The following PTPRD variants were observed in gnomAD, a reference collection of about 807,000 sequenced individuals.
The protein encoded by PTPRD is protein tyrosine phosphatase receptor type D.
In PTPRD, 34 loss-of-function variants were observed where a neutral mutation model predicts 214.5. The ratio of observed to expected loss-of-function variants is 0.16; its 90% CI spans 0.12 to 0.21. The LOEUF is 0.21. PTPRD is among the 10% of genes least tolerant of loss of function. The probability of loss-of-function intolerance (pLI) is 1.00; values close to 1 mark genes in which losing one functional copy is unlikely to be tolerated. For synonymous variants in PTPRD, 1,128 were observed against 845.7 expected (o/e 1.33, Z -5.79); for missense variants, 2,545 against 2,398.7 (o/e 1.06, Z -1.27).
At position 9,460,186 on chromosome 9, in the gene PTPRD, C is replaced by T. The variant is rs372399680; in HGVS notation, c.-236-62704G>A. On this transcript the variant is annotated intron_variant, in intron 8 of 45. Transcript: ENST00000381196. The stretch of plus-strand genomic sequence containing the variant: ...ACCCCTATTTCTCACGATATAAAAA[C>T]TAGCTCAAGATGGATTAAAGACTTC... 1.1e-4 allele frequency among the ~76,000 whole-genome samples: 17 copies of T among 152,050 alleles called. 1 individual carries two copies. The East Asian group carries it at 2.3e-3, about 21-fold the overall frequency.
At chr9:10,204,030 A>C (rs1185422561) in intron 3 of PTPRD, among the ~76,000 whole-genome samples, 1 of 152,208 alleles carries the variant, frequency 6.6e-6, no homozygotes, top group East Asian at 1.9e-4. Context: ...TAGTGAAAAA[A>C]GAAAATAGCT....
At chr9:10,585,930 C>G (rs62539613) in intron 2 of PTPRD, among the ~76,000 whole-genome samples, 1 of 151,860 alleles carries the variant, frequency 6.6e-6, no homozygotes, top group Non-Finnish European at 1.5e-5. Context: ...AGTGATATAA[C>G]TAGGTTAGCA....
intron 11 of PTPRD, among the ~76,000 whole-genome samples, chr9:8,954,329 G>T (rs1439251174): frequency 6.6e-6 from 1 of 151,746 alleles, no homozygotes; most frequent in Non-Finnish European, 1.5e-5. Flanking sequence ...AGCAAAAGAC[G>T]CTGGGGACTA....
rs572966674 is a variant in PTPRD, at chr9:9,584,408, G to C, written c.-286-9627C>G. Among the ~76,000 whole-genome samples, 15 of 144,146 alleles carry C rather than the reference G, an allele frequency of 1.0e-4. No individual in the cohort carries two copies. The South Asian group carries it at 3.2e-3, about 31-fold the overall frequency. The allele number at this position is 144,146 out of a possible 152,430, so 94.6% of individuals were successfully genotyped here. ...CTATGCTACCACAAAAGACCTCTATGTTGCTCATGTTTCACCATCACTATT... is the reference window on the plus strand; with the variant it reads ...CTATGCTACCACAAAAGACCTCTATCTTGCTCATGTTTCACCATCACTATT... On this transcript the variant is annotated intron_variant, in intron 7 of 45. Coordinates refer to ENST00000381196, the MANE Select transcript of PTPRD (RefSeq NM_002839.4).
At chr9:8,467,128 C>T (rs780549315) in intron 31 of PTPRD, among the ~76,000 whole-genome samples, 11 of 151,818 alleles carry the variant, frequency 7.2e-5, no homozygotes, top group South Asian at 2.1e-4. Flanking sequence ...TAATTTATAA[C>T]GTGCTAAAAT....
chr9:9,792,164 A>G (rs1414771482), intron 5 of PTPRD, among the ~76,000 whole-genome samples: 3 of 151,834 alleles, frequency 2.0e-5, no homozygotes, highest in African/African-American at 4.8e-5. Flanking sequence ...ACAGCTTTTC[A>G]GTGTGGCAGC....
chr9:9,954,297 CAAAAAAAA>C (rs781628679), intron 4 of PTPRD, among the ~76,000 whole-genome samples: 7 of 53,754 alleles, frequency 1.3e-4, no homozygotes, highest in East Asian at 1.1e-3. Flanking sequence ...TGTCTCAAAA[CAAAAAAAA>C]AAAAAAAAAA....
intron 9 of PTPRD, among the ~76,000 whole-genome samples, chr9:9,246,745 T>C (rs2099973212): frequency 6.6e-6 from 1 of 152,044 alleles, no homozygotes; most frequent in Admixed American, 6.6e-5. Context: ...GGCCTATTCT[T>C]GGAGCTGAGA....
chr9:8,868,099 T>A (rs1477916720), intron 11 of PTPRD, among the ~76,000 whole-genome samples: 4 of 152,200 alleles, frequency 2.6e-5, no homozygotes, highest in African/African-American at 9.6e-5. Context: ...TGGTTGTGCA[T>A]TAGAATCTGT....
chr9:9,955,730 A>C (rs1027317008), intron 4 of PTPRD, among the ~76,000 whole-genome samples: 1 of 152,068 alleles, frequency 6.6e-6, no homozygotes, highest in South Asian at 2.1e-4. Context: ...TCACCGTGTT[A>C]GCCAGGATGG....
chr9:8,413,926 C>T (rs1357662572), intron 35 of PTPRD, among the ~76,000 whole-genome samples: 1 of 151,940 alleles, frequency 6.6e-6, no homozygotes, highest in Non-Finnish European at 1.5e-5. Context: ...AAAATCAGTA[C>T]ATTGATGATC....
chr9:9,304,873 A>C (rs1956628888), intron 9 of PTPRD, among the ~76,000 whole-genome samples: 2 of 149,938 alleles, frequency 1.3e-5, no homozygotes, highest in South Asian at 4.3e-4. Flanking sequence ...GGCCCTTCTC[A>C]ATAATCTCTC....
chr9:9,511,874 T>G (rs1160598118), intron 8 of PTPRD, among the ~76,000 whole-genome samples: 1 of 151,768 alleles, frequency 6.6e-6, no homozygotes, highest in Non-Finnish European at 1.5e-5. Context: ...AACTTTAGGT[T>G]TTCCCCTAAG....
intron 2 of PTPRD, among the ~76,000 whole-genome samples, chr9:10,363,576 C>A (rs2097438677): frequency 1.3e-5 from 2 of 152,136 alleles, no homozygotes; most frequent in Non-Finnish European, 2.9e-5. Context: ...TTCTCTATGA[C>A]CTTTTCTATG....
At chr9:9,795,917 T>C (rs141370753) in intron 5 of PTPRD, among the ~76,000 whole-genome samples, 1,822 of 152,234 alleles carry the variant, frequency 0.012, 20 homozygotes, top group Middle Eastern at 0.037. Context: ...TTCTAGTCTC[T>C]CTACAGAAAC....
At chr9:9,390,050 A>T (rs941225131) in intron 9 of PTPRD, among the ~76,000 whole-genome samples, 13 of 152,220 alleles carry the variant, frequency 8.5e-5, no homozygotes, top group African/African-American at 3.1e-4. Context: ...ATTTCAGCAG[A>T]GACTTCAAGG....
At chr9:9,298,318 G>C (rs918381143) in intron 9 of PTPRD, among the ~76,000 whole-genome samples, 3 of 151,534 alleles carry the variant, frequency 2.0e-5, no homozygotes, top group Non-Finnish European at 4.4e-5. Context: ...TACATGAAAA[G>C]ATTTGAATAT....
At chr9:9,664,170 C>T (rs1356304596) in intron 7 of PTPRD, among the ~76,000 whole-genome samples, 2 of 149,568 alleles carry the variant, frequency 1.3e-5, no homozygotes, top group Admixed American at 6.7e-5. Context: ...CTTACACAGC[C>T]TGGCTTTAAA....
chr9:9,525,534 G>A (rs897526510), intron 8 of PTPRD, among the ~76,000 whole-genome samples: 6 of 152,016 alleles, frequency 3.9e-5, no homozygotes, highest in African/African-American at 1.2e-4. Flanking sequence ...TCTATTGAGA[G>A]GAATAAATTA....
Sources: gnomAD v4.1 joint callset for allele counts (sites outside exome capture counted in the v4.1 genomes callset) on GRCh38, gnomAD v4.1.1 for gene constraint, MANE v1.5 for transcripts, NCBI Gene and HGNC (gene_info 2026-07-23, HGNC 2026-07-21) for gene names.